Variants in THSD7B observed in about 807,000 individuals in gnomAD.
THSD7B encodes the protein thrombospondin type-1 domain-containing protein 7B.
In THSD7B, 138 loss-of-function variants were observed where a neutral mutation model predicts 213.6. The ratio of observed to expected loss-of-function variants is 0.65; its 90% CI spans 0.56 to 0.74. The LOEUF is 0.74. THSD7B is among the 30% of genes least tolerant of loss of function. THSD7B has a pLI of 0.00. For synonymous variants in THSD7B, 742 were observed against 687.0 expected, an observed-to-expected ratio of 1.08 and a Z score of -1.25; for missense variants, 1,931 against 1,991.5, an observed-to-expected ratio of 0.97 and a Z score of 0.58.
rs530111313 is a variant in THSD7B, at chr2:137,157,259, A to G, written c.1370-2954A>G. On this transcript the variant is annotated intron_variant, in intron 5 of 27. Transcript: ENST00000409968. ...CAACAGACGCCTACGATTCATTGTG[A>G]GCTGGTGCCCCACAGTACAGAAAGC... Among the ~76,000 whole-genome samples the G allele has an allele frequency of 3.3e-5, 5 of 152,312 alleles. No individual in the cohort carries two copies. In the East Asian group the frequency reaches 9.7e-4, roughly 29 times the overall value.
chr2:137,596,849 T>C (rs573038933), intron 17 of THSD7B, among the ~76,000 whole-genome samples: 5 of 152,088 alleles, frequency 3.3e-5, no homozygotes, highest in Non-Finnish European at 5.9e-5. Flanking sequence ...TGTTACTATA[T>C]ATTCTAAATT....
At chr2:137,559,542 A>G (rs1357695619) in intron 15 of THSD7B, among the ~76,000 whole-genome samples, 2 of 152,332 alleles carry the variant, frequency 1.3e-5, no homozygotes, top group East Asian at 3.9e-4. Context: ...TCCCTTCCTT[A>G]CACAGTATAC....
intron 15 of THSD7B, among the ~76,000 whole-genome samples, chr2:137,562,971 G>T (rs1053669633): frequency 6.6e-6 from 1 of 152,100 alleles, no homozygotes; most frequent in African/African-American, 2.4e-5. Flanking sequence ...ACTAGGAAAT[G>T]ACCGTCCTTT....
chr2:137,579,525 C>A (rs1228039798), intron 17 of THSD7B, among the ~76,000 whole-genome samples: 1 of 151,250 alleles, frequency 6.6e-6, no homozygotes, highest in African/African-American at 2.4e-5. Flanking sequence ...CATGCACACA[C>A]ACACGCGCGT....
intron 12 of THSD7B, among the ~76,000 whole-genome samples, chr2:137,389,780 CTGTA>C (rs1419104943): frequency 6.6e-6 from 1 of 151,884 alleles, no homozygotes; most frequent in Non-Finnish European, 1.5e-5. Context: ...TTTTATTCAT[CTGTA>C]TGTGGATATT....
Position 136,967,648 on chromosome 2 carries a change from G to A in THSD7B, c.139+85331G>A, listed in dbSNP as rs1294794909. 5.3e-5 allele frequency among the ~76,000 whole-genome samples: 8 copies of A among 152,248 alleles called. No homozygotes were observed. In the East Asian group the frequency reaches 1.3e-3, roughly 26 times the overall value. ...GTAAATGCAAGTTTGAAGAATAATG[G>A]TAAAATGAGCCCCAATCCAACAACT... On this transcript the variant is annotated intron_variant, in intron 2 of 27. Coordinates refer to ENST00000409968, the MANE Select transcript of THSD7B (RefSeq NM_001316349.2).
chr2:136,831,262 T>A (rs1373091974), intron 1 of THSD7B, among the ~76,000 whole-genome samples: 1 of 151,864 alleles, frequency 6.6e-6, no homozygotes, highest in Non-Finnish European at 1.5e-5. Context: ...CAGTTAAAGA[T>A]TAAAAATAAC....
chr2:137,192,931 G>A (rs1321436022), intron 7 of THSD7B, among the ~76,000 whole-genome samples: 2 of 152,190 alleles, frequency 1.3e-5, no homozygotes, highest in Admixed American at 1.3e-4. Context: ...TATTCTTGAA[G>A]TATTTTTCCA....
chr2:136,916,170 C>T (rs1053403507), intron 2 of THSD7B, among the ~76,000 whole-genome samples: 1 of 152,076 alleles, frequency 6.6e-6, no homozygotes, highest in Non-Finnish European at 1.5e-5. Context: ...ACCACACACA[C>T]AAAAAATGCT....
intron 21 of THSD7B, among the ~76,000 whole-genome samples, chr2:137,649,992 C>T (rs1349763991): frequency 6.6e-6 from 1 of 151,758 alleles, no homozygotes; most frequent in African/African-American, 2.4e-5. Flanking sequence ...ATCCCAGATA[C>T]TCGGGGGGCT....
At chr2:137,188,859 A>G (rs963805612) in intron 7 of THSD7B, among the ~76,000 whole-genome samples, 1 of 152,222 alleles carries the variant, frequency 6.6e-6, no homozygotes, top group Non-Finnish European at 1.5e-5. Flanking sequence ...GGCATTTATC[A>G]GAAACATATA....
rs1489468452 is a variant in THSD7B, at chr2:137,115,255, A to C, written c.1331A>C (p.Gln444Pro). ...CAGACCCGGGAGGTGTACTGTGCCC[A>C]GAGCGTACCAGCAGCTGCCGCACTG... ...GIQTREVYCA[Q>P]SVPAAAALRA... The change falls in exon 5 of 28, where the codon CAG (glutamine) becomes CCG (proline). Residue 444 changes from glutamine to proline, a missense_variant. By Grantham distance (76) the Gln-to-Pro change is moderately conservative. Coordinates refer to ENST00000409968, the MANE Select transcript of THSD7B (RefSeq NM_001316349.2). 6.2e-7 allele frequency: 1 copy of C among 1,605,414 alleles called. No homozygotes were observed. The highest frequency in any genetic ancestry group is 1.3e-5 in the African/African-American group (1 of 74,492).
chr2:137,147,539 G>GT (rs903931630), intron 5 of THSD7B, among the ~76,000 whole-genome samples: 18 of 147,116 alleles, frequency 1.2e-4, no homozygotes, highest in Non-Finnish European at 1.9e-4. Flanking sequence ...TTTTTTTTTT[G>GT]TTTTTTGTCC....
At chr2:136,977,681 C>G (rs1036508747) in intron 2 of THSD7B, among the ~76,000 whole-genome samples, 2 of 152,028 alleles carry the variant, frequency 1.3e-5, no homozygotes, top group African/African-American at 4.8e-5. Context: ...TCATTAGTTT[C>G]AAAGAACTTC....
chr2:137,426,140 G>A (rs1425522039), intron 14 of THSD7B, among the ~76,000 whole-genome samples: 1 of 152,054 alleles, frequency 6.6e-6, no homozygotes, highest in Non-Finnish European at 1.5e-5. Flanking sequence ...AGATCTGTAA[G>A]CTGAAAACTA....
chr2:137,103,254 C>A (rs1330919865), intron 4 of THSD7B, among the ~76,000 whole-genome samples: 1 of 152,108 alleles, frequency 6.6e-6, no homozygotes, highest in Non-Finnish European at 1.5e-5. Flanking sequence ...AAAGAATTTT[C>A]AAGCCAGAAT....
intron 27 of THSD7B, among the ~76,000 whole-genome samples, chr2:137,668,408 G>C (rs560585708): frequency 5.8e-4 from 87 of 149,830 alleles, no homozygotes; most frequent in Middle Eastern, 3.4e-3. Context: ...TTGCTATATT[G>C]ACCAGCTATG....
chr2:137,396,054 C>A (rs1368236934), intron 12 of THSD7B, among the ~76,000 whole-genome samples: 1 of 151,800 alleles, frequency 6.6e-6, no homozygotes, highest in Admixed American at 6.6e-5. Flanking sequence ...TCTTCTCTCT[C>A]TTTTTCTTTA....
chr2:137,662,242 CT>C (rs57630973), intron 25 of THSD7B, among the ~76,000 whole-genome samples: 46 of 92,430 alleles, frequency 5.0e-4, no homozygotes, highest in Admixed American at 1.2e-3. Context: ...TTTTTTTTTT[CT>C]TTTTTTTTTT....
Sources: allele counts gnomAD v4.1 joint callset (sites outside exome capture counted in the v4.1 genomes callset), GRCh38; gene constraint gnomAD v4.1.1; transcripts MANE v1.5; gene names NCBI Gene and HGNC (gene_info 2026-07-23, HGNC 2026-07-21).